The following GPATCH8 variants were observed in gnomAD, a reference collection of about 807,000 sequenced individuals.
GPATCH8 encodes G patch domain-containing protein 8.
Under a neutral mutation model 118.3 loss-of-function variants are expected in GPATCH8, and 18 were observed. The observed-to-expected ratio is 0.15, with a 90% CI of 0.11 to 0.23. The LOEUF is 0.23. Ranked by LOEUF, GPATCH8 falls within the 10% of genes least tolerant of loss-of-function variation. The probability of loss-of-function intolerance (pLI) is 1.00; values close to 1 mark genes in which losing one functional copy is unlikely to be tolerated. For missense variants in GPATCH8, 1,631 were observed against 1,873.8 expected, an observed-to-expected ratio of 0.87 and a Z score of 2.39; for synonymous variants, 659 against 684.7, an observed-to-expected ratio of 0.96 and a Z score of 0.59.
At chr17:44,403,692 T>C (rs76446155) in intron 7 of GPATCH8, among the ~76,000 whole-genome samples, 1 of 29,332 alleles carries the variant, frequency 3.4e-5, no homozygotes, top group African/African-American at 8.8e-5. Flanking sequence ...GTAATCTCTC[T>C]TTTTTTTTTT....
chr17:44,436,654 G>T, intron 3 of GPATCH8, 109 bp from the exon 4 acceptor site: 1 of 746,896 alleles, frequency 1.3e-6, no homozygotes, highest in East Asian at 2.6e-5. Flanking sequence ...GCAGAGACCA[G>T]AAAGCTACAG....
chr17:44,478,622 C>T (rs906761418), intron 1 of GPATCH8, among the ~76,000 whole-genome samples: 4 of 151,920 alleles, frequency 2.6e-5, no homozygotes, highest in African/African-American at 9.7e-5. Context: ...GACTGAGCTA[C>T]CACATTCAAG....
intron 7 of GPATCH8, among the ~76,000 whole-genome samples, chr17:44,403,513 A>T (rs2049105362): frequency 6.6e-6 from 1 of 151,784 alleles, no homozygotes; most frequent in African/African-American, 2.4e-5. Context: ...GCCACTGCGC[A>T]TCTGGCTTGC....
Position 44,398,674 on chromosome 17 carries a change from G to A in GPATCH8, c.3403C>T (p.Leu1135Phe), listed in dbSNP as rs1007061948. 9.5e-6 allele frequency: 15 copies of A among 1,572,854 alleles called. No individual in the cohort carries two copies. In the South Asian group the frequency reaches 1.6e-4, roughly 16 times the overall value. Residue 1135 changes from leucine to phenylalanine, a missense_variant, in exon 8 of 8, where the codon CTC becomes TTC. By Grantham distance (22) the Leu-to-Phe change is conservative. This residue lies in a region of GPATCH8 where 922 missense variants were observed against 879.7 expected (regional missense o/e 1.05). Coordinates refer to ENST00000591680, the MANE Select transcript of GPATCH8 (RefSeq NM_001002909.4). ...DPPQGYFGPK[L>F]PPSLGNKPVL... Reference sequence around the variant, plus strand: ...GGCTTATTGCCAAGAGATGGGGGGAGCTTGGGCCCAAAGTAACCTTGTGGG... The same window carrying A: ...GGCTTATTGCCAAGAGATGGGGGGAACTTGGGCCCAAAGTAACCTTGTGGG...
intron 6 of GPATCH8, among the ~76,000 whole-genome samples, chr17:44,421,217 T>C (rs2049888177): frequency 6.6e-6 from 1 of 151,740 alleles, no homozygotes; most frequent in East Asian, 2.0e-4. Flanking sequence ...GGCGCATGCC[T>C]GTAATTCCAG....
At position 44,426,846 on chromosome 17, in the gene GPATCH8, A is replaced by ACT. The variant is rs1183150233; in HGVS notation, c.349-2355_349-2354insAG. Reference sequence around the variant, plus strand: ...TTGATCTCTTCAACAACACACACACACACTCTCTCTCTCTCTCTCTCTCTC... The same window carrying ACT: ...TTGATCTCTTCAACAACACACACACACTCACTCTCTCTCTCTCTCTCTCTCTC... On this transcript the variant is annotated intron_variant, in intron 5 of 7. Coordinates refer to ENST00000591680, the MANE Select transcript of GPATCH8 (RefSeq NM_001002909.4). Among the ~76,000 whole-genome samples the ACT allele has an allele frequency of 6.9e-4, 100 of 145,844 alleles. 1 individual carries two copies. The highest frequency in any genetic ancestry group is 2.3e-3 in the African/African-American group (89 of 39,272).
At chr17:44,497,745 G>C (rs968086117) in intron 1 of GPATCH8, among the ~76,000 whole-genome samples, 3 of 151,686 alleles carry the variant, frequency 2.0e-5, no homozygotes, top group Non-Finnish European at 4.4e-5. Context: ...TTCAAGACCA[G>C]CCTGGGCAAC....
chr17:44,462,761 T>C (rs2051605515), intron 3 of GPATCH8, among the ~76,000 whole-genome samples: 1 of 151,982 alleles, frequency 6.6e-6, no homozygotes, highest in Non-Finnish European at 1.5e-5. Flanking sequence ...GGCGGGCGGA[T>C]CACGAGATCA....
At chr17:44,459,486 G>C (rs933206965) in intron 3 of GPATCH8, among the ~76,000 whole-genome samples, 18 of 152,100 alleles carry the variant, frequency 1.2e-4, no homozygotes, top group African/African-American at 4.1e-4. Flanking sequence ...TTCACTTATA[G>C]GAAATGGTAG....
chr17:44,456,548 A>G (rs1036533918), intron 3 of GPATCH8, among the ~76,000 whole-genome samples: 6 of 152,184 alleles, frequency 3.9e-5, no homozygotes, highest in Non-Finnish European at 7.4e-5. Context: ...TTGTAAGCAC[A>G]AGGTGGGAAG....
intron 6 of GPATCH8, among the ~76,000 whole-genome samples, chr17:44,412,237 A>T (rs1403885674): frequency 2.0e-5 from 3 of 152,116 alleles, no homozygotes; most frequent in East Asian, 3.9e-4. Context: ...AAATTTTTTT[A>T]AATTAGTTGG....
At chr17:44,468,466 C>T (rs1966997976) in intron 2 of GPATCH8, among the ~76,000 whole-genome samples, 1 of 145,962 alleles carries the variant, frequency 6.9e-6, no homozygotes, top group African/African-American at 2.6e-5. Flanking sequence ...CAGCTCACCG[C>T]ATCCTTGACC....
chr17:44,495,269 G>A (rs1393374397), intron 1 of GPATCH8, among the ~76,000 whole-genome samples: 1 of 152,144 alleles, frequency 6.6e-6, no homozygotes, highest in African/African-American at 2.4e-5. Flanking sequence ...AGGAGGTGGA[G>A]GTTGCAGTGA....
At position 44,462,713 on chromosome 17, in the gene GPATCH8, T is replaced by C. The variant is rs1297413671; in HGVS notation, c.193+1759A>G. ...ACTGAAACATCCTGGCCAGGCGCGG[T>C]GGCTCACACCTATAATCCCAGCACT... On this transcript the variant is annotated intron_variant, in intron 3 of 7. Transcript: ENST00000591680. Among the ~76,000 whole-genome samples the C allele has an allele frequency of 2.6e-5, 4 of 152,234 alleles. No homozygotes were observed. The East Asian group carries it at 7.7e-4, about 29-fold the overall frequency.
chr17:44,455,021 G>C (rs2051272362), intron 3 of GPATCH8, among the ~76,000 whole-genome samples: 1 of 152,246 alleles, frequency 6.6e-6, no homozygotes, highest in Middle Eastern at 3.4e-3. Flanking sequence ...AAGCTTTTCT[G>C]ACAATCCATA....
chr17:44,460,291 C>G (rs908670078), intron 3 of GPATCH8, among the ~76,000 whole-genome samples: 1 of 152,080 alleles, frequency 6.6e-6, no homozygotes, highest in South Asian at 2.1e-4. Flanking sequence ...ATCTTGTCAA[C>G]ATTATCTTTT....
chr17:44,399,854 G>C lies in GPATCH8; in HGVS notation c.2223C>G (p.Pro741=). The change falls in exon 8 of 8, where the codon CCC becomes CCG. Residue 741 remains proline (P), a synonymous_variant. Transcript: ENST00000591680. The stretch of plus-strand genomic sequence containing the variant: ...CTCTCCGCCTTCTTCTTGGTGGTGC[G>C]GGACTGCCACTCCCAGGGGGTTCTG... The part of the protein sequence containing the change: ...PKPEPPGSGS[P]APPRRRRRAQ... The C allele has an allele frequency of 6.2e-7, 1 of 1,613,776 alleles. No individual in the cohort carries two copies. Among genetic ancestry groups the C allele is most frequent in the Non-Finnish European group, 8.5e-7 (1 of 1,179,964 alleles).
intron 1 of GPATCH8, among the ~76,000 whole-genome samples, chr17:44,502,074 G>A (rs1180928185): frequency 6.6e-6 from 1 of 152,116 alleles, no homozygotes; most frequent in Admixed American, 6.6e-5. Context: ...ATGATCACAA[G>A]GCTTTTTAAC....
chr17:44,435,021 G>A (rs779787073), intron 5 of GPATCH8, 44 bp downstream of exon 5: 2 of 854,826 alleles, frequency 2.3e-6, no homozygotes, highest in Non-Finnish European at 4.1e-6. Context: ...TTCTTATTCA[G>A]TGAGCACCTC....
Sources: allele counts gnomAD v4.1 joint callset (sites outside exome capture counted in the v4.1 genomes callset), GRCh38; gene constraint gnomAD v4.1.1; regional missense constraint gnomAD v4.1.1; transcripts MANE v1.5; gene names NCBI Gene and HGNC (gene_info 2026-07-23, HGNC 2026-07-21).